UNC13C: variants seen among roughly 807,000 people sequenced by gnomAD.
UNC13C encodes protein unc-13 homolog C.
A neutral mutation model predicts 245.4 loss-of-function variants in UNC13C; 174 were observed. The observed-to-expected ratio is 0.71, with a 90% confidence interval of 0.63 to 0.80. The LOEUF is 0.80. Among genes scored for constraint, UNC13C ranks in the 30% least tolerant of loss-of-function variants. The pLI, the probability that UNC13C is intolerant of heterozygous loss-of-function variation, is 0.00. For missense variants in UNC13C, 2,829 were observed against 2,602.9 expected, an observed-to-expected ratio of 1.09 and a Z score of -1.89; for synonymous variants, 992 against 895.1, an observed-to-expected ratio of 1.11 and a Z score of -1.93.
At chr15:54,257,554 C>T (rs1458026388) in intron 8 of UNC13C, among the ~76,000 whole-genome samples, 19 of 152,124 alleles carry the variant, frequency 1.2e-4, no homozygotes, top group Admixed American at 7.9e-4. Flanking sequence ...TGCCAGGCTT[C>T]CTGACACTGG....
At chr15:54,085,482 A>C (rs1899187379) in intron 2 of UNC13C, among the ~76,000 whole-genome samples, 3 of 152,164 alleles carry the variant, frequency 2.0e-5, no homozygotes, top group Admixed American at 2.0e-4. Flanking sequence ...CAGTCATTGA[A>C]TTTGCATAAA....
At chr15:54,625,782 A>G (rs529141967) in intron 32 of UNC13C, among the ~76,000 whole-genome samples, 50 of 152,256 alleles carry the variant, frequency 3.3e-4, no homozygotes, top group African/African-American at 1.1e-3. Context: ...ACCAGCTTAC[A>G]ACATTTCACT....
intron 2 of UNC13C, among the ~76,000 whole-genome samples, chr15:54,096,339 G>A (rs200533554): frequency 1.3e-5 from 2 of 150,938 alleles, no homozygotes; most frequent in Non-Finnish European, 1.5e-5. Flanking sequence ...TCTCTATTTG[G>A]AAAAAAAAAG....
At chr15:54,278,239 T>C (rs1054012181) in intron 10 of UNC13C, among the ~76,000 whole-genome samples, 25 of 152,102 alleles carry the variant, frequency 1.6e-4, no homozygotes, top group African/African-American at 5.8e-4. Flanking sequence ...AGCCACTCCT[T>C]ATGAGTATGG....
intron 19 of UNC13C, among the ~76,000 whole-genome samples, chr15:54,420,101 A>C (rs75937434): frequency 6.6e-6 from 1 of 152,100 alleles, no homozygotes; most frequent in East Asian, 1.9e-4. Flanking sequence ...GTAAAAGAGA[A>C]ACTCTCAGCT....
intron 19 of UNC13C, among the ~76,000 whole-genome samples, chr15:54,434,960 C>T (rs1382538607): frequency 1.3e-5 from 2 of 151,972 alleles, no homozygotes; most frequent in African/African-American, 4.8e-5. Context: ...ATTTATGCAG[C>T]CAACAAACAC....
At chr15:54,494,030 CCTTTT>C (rs567756542) in intron 19 of UNC13C, among the ~76,000 whole-genome samples, 170 of 152,134 alleles carry the variant, frequency 1.1e-3, no homozygotes, top group African/African-American at 3.9e-3. Flanking sequence ...TATTTTCTCT[CCTTTT>C]CAACTATTTT....
At chr15:54,456,474 A>G (rs950194885) in intron 19 of UNC13C, among the ~76,000 whole-genome samples, 2 of 152,086 alleles carry the variant, frequency 1.3e-5, no homozygotes, top group African/African-American at 4.8e-5. Context: ...GGTCCTACCC[A>G]TCCATGAGCA....
intron 17 of UNC13C, among the ~76,000 whole-genome samples, chr15:54,378,246 T>C (rs1037650457): frequency 1.9e-4 from 29 of 152,194 alleles, no homozygotes; most frequent in Non-Finnish European, 4.0e-4. Context: ...CCATCATGTA[T>C]TTGAAATCAG....
At chr15:54,318,617 T>G (rs1297228592) in intron 13 of UNC13C, among the ~76,000 whole-genome samples, 2 of 151,970 alleles carry the variant, frequency 1.3e-5, no homozygotes, top group Non-Finnish European at 2.9e-5. Flanking sequence ...TTATATGGTT[T>G]GGGTATTAAC....
In UNC13C at chr15:54,476,531, G is replaced by A. The variant is rs1400086976; in HGVS notation, c.4934-18077G>A. On this transcript the variant is annotated intron_variant, in intron 19 of 32. Coordinates refer to ENST00000260323, the MANE Select transcript of UNC13C (RefSeq NM_001080534.3). ...CAGTTTCAGCTTTCTACATATGGCT[G>A]GCCAGTTTTCCCAGCACCATTTATT... Among the ~76,000 whole-genome samples the A allele has an allele frequency of 7.9e-5, 12 of 151,548 alleles. No homozygotes were observed. In the East Asian group the frequency reaches 1.2e-3, roughly 15 times the overall value.
At chr15:54,153,236 A>G (rs2032602669) in intron 4 of UNC13C, among the ~76,000 whole-genome samples, 1 of 152,120 alleles carries the variant, frequency 6.6e-6, no homozygotes, top group Non-Finnish European at 1.5e-5. Flanking sequence ...AGTCTGTCTT[A>G]ACATTTAGAA....
intron 4 of UNC13C, among the ~76,000 whole-genome samples, chr15:54,214,620 G>A (rs538816742): frequency 5.3e-5 from 8 of 152,062 alleles, no homozygotes; most frequent in African/African-American, 1.9e-4. Flanking sequence ...AGGATAGTGT[G>A]ATTAAAAGGA....
intron 2 of UNC13C, among the ~76,000 whole-genome samples, chr15:54,107,530 C>T (rs879813806): frequency 6.6e-6 from 1 of 152,050 alleles, no homozygotes; most frequent in African/African-American, 2.4e-5. Flanking sequence ...AGCTTGCAGT[C>T]TACAGGAGAG....
intron 2 of UNC13C, among the ~76,000 whole-genome samples, chr15:54,133,283 C>T (rs1368917465): frequency 2.6e-5 from 4 of 152,134 alleles, no homozygotes; most frequent in Non-Finnish European, 5.9e-5. Context: ...GGGATGCTCA[C>T]ACAAGAACCT....
chr15:54,356,229 A>G (rs1360520219), intron 17 of UNC13C, among the ~76,000 whole-genome samples: 4 of 152,252 alleles, frequency 2.6e-5, no homozygotes, highest in Admixed American at 2.6e-4. Context: ...AGTATGTATC[A>G]AATAAAATTC....
intron 17 of UNC13C, among the ~76,000 whole-genome samples, chr15:54,358,104 A>C (rs2140857632): frequency 6.6e-6 from 1 of 151,938 alleles, no homozygotes; most frequent in Admixed American, 6.6e-5. Context: ...ATTCTTTCCA[A>C]CTTCGTCAAA....
At chr15:54,623,743 T>C in intron 31 of UNC13C, 52 bp from the exon 32 acceptor site, 1 of 1,532,994 alleles carries the variant, frequency 6.5e-7, no homozygotes, top group Non-Finnish European at 8.9e-7. Context: ...AAAATTTCAC[T>C]CTAAATTTCC....
chr15:54,472,468 A>G (rs1217090374), intron 19 of UNC13C, among the ~76,000 whole-genome samples: 1 of 151,654 alleles, frequency 6.6e-6, no homozygotes, highest in African/African-American at 2.4e-5. Flanking sequence ...TAAGTTCTAT[A>G]CTTTTATATG....
Sources: gnomAD v4.1 joint callset for allele counts (sites outside exome capture counted in the v4.1 genomes callset) on GRCh38, gnomAD v4.1.1 for gene constraint, MANE v1.5 for transcripts, NCBI Gene and HGNC (gene_info 2026-07-23, HGNC 2026-07-21) for gene names.